SPPL2C: variants seen among roughly 807,000 people sequenced by gnomAD.
The protein encoded by SPPL2C is signal peptide peptidase like 2C.
A neutral mutation model predicts 38.8 loss-of-function variants in SPPL2C; 33 were observed. The observed-to-expected ratio is 0.85, with a 90% CI of 0.64 to 1.14. SPPL2C has a LOEUF of 1.14. Among genes scored for constraint, SPPL2C ranks in the 50% most tolerant of loss-of-function variants. SPPL2C has a pLI of 0.00. For missense variants in SPPL2C, 899 were observed against 904.4 expected, an observed-to-expected ratio of 0.99 and a Z score of 0.08; for synonymous variants, 384 against 390.7, an observed-to-expected ratio of 0.98 and a Z score of 0.20.
rs759219260 is a variant in SPPL2C at position 45,846,064 on chromosome 17, T to C, written c.1158T>C (p.Asp386=). ...SSFLLALLAF[D]VFFVFVTPFF... Reference sequence around the variant, plus strand: ...TCCTGCTGGCCCTGCTGGCCTTTGATGTCTTCTTTGTCTTCGTCACCCCCT... The same window carrying C: ...TCCTGCTGGCCCTGCTGGCCTTTGACGTCTTCTTTGTCTTCGTCACCCCCT... Residue 386 remains aspartate (D), a synonymous_variant, in exon 1 of 1, where the codon GAT becomes GAC. Coordinates refer to ENST00000329196, the MANE Select transcript of SPPL2C (RefSeq NM_175882.3). 2.5e-6 allele frequency: 4 copies of C among 1,614,128 alleles called. No homozygotes were observed. In the East Asian group the frequency reaches 6.7e-5, roughly 27 times the overall value.
Position 45,846,724 on chromosome 17 carries a change from C to A in SPPL2C, c.1818C>A (p.Asp606Glu), listed in dbSNP as rs374530875. ...DRSDSSEGWS[D>E]AHLDPNELPF... ...GTGATAGCTCCGAGGGCTGGAGTGA[C>A]GCCCACTTGGATCCTAATGAGCTGC... Residue 606 changes from aspartate (D) to glutamate (E), a missense_variant, in exon 1 of 1, where the codon GAC becomes GAA. Asp to Glu is a conservative substitution (Grantham distance 45, BLOSUM62 2). Transcript: ENST00000329196. 1 of 1,614,206 alleles carries A rather than the reference C, an allele frequency of 6.2e-7. No homozygotes were observed. The highest frequency in any genetic ancestry group is 1.3e-5 in the African/African-American group (1 of 75,046).
At position 45,845,504 on chromosome 17, in the gene SPPL2C, G is replaced by A. The variant is rs745984292; in HGVS notation, c.598G>A (p.Ala200Thr). ...CATCCTGGCTGTGGGCACAGTGGCTGCAGGCGGCTACTGGGCCGGCCTGAC... is the reference window on the plus strand; with the variant it reads ...CATCCTGGCTGTGGGCACAGTGGCTACAGGCGGCTACTGGGCCGGCCTGAC... Reference protein sequence around the residue: ...IFILAVGTVAAGGYWAGLTEA... With the variant: ...IFILAVGTVATGGYWAGLTEA... The change falls in exon 1 of 1, where the codon GCA (alanine) becomes ACA (threonine). Residue 200 changes from alanine (A) to threonine (T), a missense_variant. Transcript: ENST00000329196. 16 of 1,604,018 alleles carry A rather than the reference G, an allele frequency of 1.0e-5. No individual in the cohort carries two copies. In the East Asian group the frequency reaches 2.0e-4, roughly 20 times the overall value.
rs772195328 is a variant in SPPL2C at position 45,845,273 on chromosome 17, C to G, written c.367C>G (p.Arg123Gly). ...QGAHGLLIVSRVSDQQCSDTT... is the reference protein window; with the variant it reads ...QGAHGLLIVSGVSDQQCSDTT... ...TGCCCACGGGCTGCTCATCGTGAGC[C>G]GGGTCAGTGACCAACAGTGCTCAGA... The change falls in exon 1 of 1, where the codon CGG becomes GGG. Residue 123 changes from arginine (R) to glycine (G), a missense_variant. Transcript: ENST00000329196. 3.1e-6 allele frequency: 5 copies of G among 1,613,940 alleles called. No homozygotes were observed. Among genetic ancestry groups the G allele is most frequent in the Non-Finnish European group, 1.7e-6 (2 of 1,179,954 alleles).
Position 45,845,950 on chromosome 17 carries a change from G to C in SPPL2C, c.1044G>C (p.Ala348=), listed in dbSNP as rs377723590. The change falls in exon 1 of 1, where the codon GCG becomes GCC. Residue 348 remains alanine, a synonymous_variant. Coordinates refer to ENST00000329196, the MANE Select transcript of SPPL2C (RefSeq NM_175882.3). Reference sequence around the variant, plus strand: ...CCTACCGCAATGAGGACCGCTGGGCGTGGCTCCTGCAGGACACACTGGGCA... The same window carrying C: ...CCTACCGCAATGAGGACCGCTGGGCCTGGCTCCTGCAGGACACACTGGGCA... ...WVAYRNEDRW[A]WLLQDTLGIS... is the part of the protein sequence containing the mutation. The C allele has an allele frequency of 6.2e-7, 1 of 1,610,356 alleles. No homozygotes were observed. The highest frequency in any genetic ancestry group is 8.5e-7 in the Non-Finnish European group (1 of 1,180,022).
Position 45,845,505 on chromosome 17 carries a change from C to T in SPPL2C, c.599C>T (p.Ala200Val). Reference sequence around the variant, plus strand: ...ATCCTGGCTGTGGGCACAGTGGCTGCAGGCGGCTACTGGGCCGGCCTGACC... The same window carrying T: ...ATCCTGGCTGTGGGCACAGTGGCTGTAGGCGGCTACTGGGCCGGCCTGACC... Reference protein sequence around the residue: ...IFILAVGTVAAGGYWAGLTEA... With the variant: ...IFILAVGTVAVGGYWAGLTEA... Residue 200 changes from alanine (A) to valine (V), a missense_variant, in exon 1 of 1, where the codon GCA (alanine) becomes GTA (valine). By Grantham distance (64) the Ala-to-Val change is moderately conservative (BLOSUM62 0). Transcript: ENST00000329196. 1.9e-6 allele frequency: 3 copies of T among 1,603,788 alleles called. No homozygotes were observed. Among genetic ancestry groups the T allele is most frequent in the East Asian group, 4.5e-5 (2 of 44,780 alleles).
chr17:45,845,543 CTACA>C lies in SPPL2C; in HGVS notation c.638_641del (p.Leu213ArgfsTer42). 1 of 1,600,410 alleles carries C rather than the reference CTACA, an allele frequency of 6.2e-7. No homozygotes were observed. The highest frequency in any genetic ancestry group is 8.5e-7 in the Non-Finnish European group (1 of 1,174,512). ...GGCCGGCCTGACCGAAGCCAACCGGCTACAGCGGCGCCGTGCCCGAAGAGGAGGG... is the reference window on the plus strand; with the variant it reads ...GGCCGGCCTGACCGAAGCCAACCGGCGCGGCGCCGTGCCCGAAGAGGAGGG... On this transcript the variant is annotated frameshift_variant, in exon 1 of 1. Coordinates refer to ENST00000329196, the MANE Select transcript of SPPL2C (RefSeq NM_175882.3). LOFTEE classifies it high-confidence loss of function.
chr17:45,845,955 T>A lies in SPPL2C; in HGVS notation c.1049T>A (p.Leu350His). 1 of 1,611,016 alleles carries A rather than the reference T, an allele frequency of 6.2e-7. No homozygotes were observed. Among genetic ancestry groups the A allele is most frequent in the Non-Finnish European group, 8.5e-7 (1 of 1,180,012 alleles). Residue 350 changes from leucine (L) to histidine (H), a missense_variant, in exon 1 of 1, where the codon CTC (leucine) becomes CAC (histidine). Leu to His is a moderately conservative substitution (Grantham distance 99). Coordinates refer to ENST00000329196, the MANE Select transcript of SPPL2C (RefSeq NM_175882.3). The part of the protein sequence containing the change: ...AYRNEDRWAW[L>H]LQDTLGISYC... ...CGCAATGAGGACCGCTGGGCGTGGC[T>A]CCTGCAGGACACACTGGGCATTTCC...
In SPPL2C at chr17:45,845,226, G is replaced by T; in HGVS notation, c.320G>T (p.Gly107Val). Residue 107 changes from glycine (G) to valine (V), a missense_variant, in exon 1 of 1, where the codon GGC becomes GTC. By Grantham distance (109) the Gly-to-Val change is moderately radical. Coordinates refer to ENST00000329196, the MANE Select transcript of SPPL2C (RefSeq NM_175882.3). ...GGTAACTGCAGCTTCCACACGAAAGGCTGGCTGGCTCAGGGCCAAGGTGCC... is the reference window on the plus strand; with the variant it reads ...GGTAACTGCAGCTTCCACACGAAAGTCTGGCTGGCTCAGGGCCAAGGTGCC... ...MRGNCSFHTK[G>V]WLAQGQGAHG... is the part of the protein sequence containing the mutation. The T allele has an allele frequency of 1.2e-6, 2 of 1,613,828 alleles. No individual in the cohort carries two copies. The highest frequency in any genetic ancestry group is 1.1e-5 in the South Asian group (1 of 91,082).
chr17:45,845,570 G>A lies in SPPL2C; in HGVS notation c.664G>A (p.Gly222Arg), dbSNP rs747994423. ...ACAGCGGCGCCGTGCCCGAAGAGGA[G>A]GGGGGTCTGGTGGTCACCATCAGCT... ...RLQRRRARRG[G>R]GSGGHHQLQE... Residue 222 changes from glycine to arginine, a missense_variant, in exon 1 of 1, where the codon GGG becomes AGG. Gly to Arg is a moderately radical substitution (Grantham distance 125). Transcript: ENST00000329196. 8 of 1,604,316 alleles carry A rather than the reference G, an allele frequency of 5.0e-6. No homozygotes were observed. The South Asian group carries it at 7.7e-5, about 15-fold the overall frequency.
Position 45,845,875 on chromosome 17 carries a change from T to TCTG in SPPL2C, c.979_981dup (p.Leu327dup), listed in dbSNP as rs1214633755. The TCTG allele has an allele frequency of 6.2e-7, 1 of 1,605,732 alleles. No homozygotes were observed. The highest frequency in any genetic ancestry group is 8.5e-7 in the Non-Finnish European group (1 of 1,179,834). ...GCCTCTGGGCCTCTCTGCCGCTGCC[T>TCTG]CTGCTGCTGCTGGCGAGCCTGTGCG... On this transcript the variant is annotated inframe_insertion, in exon 1 of 1. Coordinates refer to ENST00000329196, the MANE Select transcript of SPPL2C (RefSeq NM_175882.3).
At position 45,846,688 on chromosome 17, in the gene SPPL2C, A is replaced by G. The variant is rs1426661274; in HGVS notation, c.1782A>G (p.Pro594=). The G allele has an allele frequency of 1.2e-6, 2 of 1,614,116 alleles. No homozygotes were observed. The highest frequency in any genetic ancestry group is 1.7e-6 in the Non-Finnish European group (2 of 1,180,048). ...TATCTGAGAATGAAGCCACCAATCC[A>G]GAGGACCGCAGTGATAGCTCCGAGG... The part of the protein sequence containing the change: ...VTISENEATN[P]EDRSDSSEGW... Residue 594 remains proline (P), a synonymous_variant, in exon 1 of 1, where the codon CCA becomes CCG. Transcript: ENST00000329196.
rs1209601898 is a variant in SPPL2C, at chr17:45,844,955, A to G, written c.49A>G (p.Ser17Gly). The G allele has an allele frequency of 1.9e-6, 3 of 1,613,932 alleles. No homozygotes were observed. Among genetic ancestry groups the G allele is most frequent in the Middle Eastern group, 1.7e-4 (1 of 6,060 alleles). The part of the protein sequence containing the change: ...LLPVGFLLLI[S>G]TVAGGKYGVA... ...CCCCGTGGGCTTCCTCCTCCTCATCAGCACCGTGGCCGGGGGAAAGTACGG... is the reference window on the plus strand; with the variant it reads ...CCCCGTGGGCTTCCTCCTCCTCATCGGCACCGTGGCCGGGGGAAAGTACGG... Residue 17 changes from serine (S) to glycine (G), a missense_variant, in exon 1 of 1, where the codon AGC becomes GGC. Physicochemically the swap from Ser to Gly is moderately conservative, Grantham distance 56 (BLOSUM62 0). Transcript: ENST00000329196.
chr17:45,846,835 G>C lies in SPPL2C; in HGVS notation c.1929G>C (p.Pro643=), dbSNP rs745711245. ...TCCCACTCATGCCCCTGATGCCCCC[G>C]CCCTCAGAGCTGGGCCATGTCCATG... is the stretch of plus-strand genomic sequence containing the variant. ...MLIPLMPLMP[P]PSELGHVHAQ... Residue 643 remains proline, a synonymous_variant, in exon 1 of 1, where the codon CCG becomes CCC. Transcript: ENST00000329196. 16 of 1,613,872 alleles carry C rather than the reference G, an allele frequency of 9.9e-6. No homozygotes were observed. The highest frequency in any genetic ancestry group is 1.4e-5 in the Non-Finnish European group (16 of 1,179,976).
rs2062539980 is a variant in SPPL2C at position 45,845,947 on chromosome 17, G to C, written c.1041G>C (p.Trp347Cys). The C allele has an allele frequency of 6.2e-7, 1 of 1,610,184 alleles. No homozygotes were observed. Residue 347 changes from tryptophan (W) to cysteine (C), a missense_variant, in exon 1 of 1, where the codon TGG becomes TGC. Coordinates refer to ENST00000329196, the MANE Select transcript of SPPL2C (RefSeq NM_175882.3). ...FWVAYRNEDRWAWLLQDTLGI... is the reference protein window; with the variant it reads ...FWVAYRNEDRCAWLLQDTLGI... ...TGGCCTACCGCAATGAGGACCGCTG[G>C]GCGTGGCTCCTGCAGGACACACTGG...
In SPPL2C at chr17:45,844,906, G is replaced by C. The variant is rs944665468; in HGVS notation, c.-1G>C. 2.5e-6 allele frequency: 4 copies of C among 1,599,152 alleles called. No individual in the cohort carries two copies. In the African/African-American group the frequency reaches 4.0e-5, roughly 16 times the overall value. The stretch of plus-strand genomic sequence containing the variant: ...AGATGTTGCAGTAGGAACTGAAGAA[G>C]ATGGCGTGCCTGGGCTTCCTCCTCC... On this transcript the variant is annotated 5_prime_UTR_variant, in exon 1 of 1. Transcript: ENST00000329196.
chr17:45,847,004 A>C lies in SPPL2C; in HGVS notation c.*43A>C. On this transcript the variant is annotated 3_prime_UTR_variant, in exon 1 of 1. Coordinates refer to ENST00000329196, the MANE Select transcript of SPPL2C (RefSeq NM_175882.3). ...ACACGCCTCTCAAAGGGCTGGTGGAACATTGCAGAGCAAAGCCATGCATGG... is the reference window on the plus strand; with the variant it reads ...ACACGCCTCTCAAAGGGCTGGTGGACCATTGCAGAGCAAAGCCATGCATGG... 1 of 1,504,486 alleles carries C rather than the reference A, an allele frequency of 6.6e-7. No individual in the cohort carries two copies. Among genetic ancestry groups the C allele is most frequent in the Non-Finnish European group, 8.8e-7 (1 of 1,131,192 alleles). 93.2% of individuals were successfully genotyped at this position (1,504,486 alleles called of 1,614,324 possible). A position where few individuals can be genotyped will look rare whatever the true frequency, so the allele number is the denominator to read the frequency against.
chr17:45,845,999 C>T lies in SPPL2C; in HGVS notation c.1093C>T (p.His365Tyr), dbSNP rs373967033. 1.2e-6 allele frequency: 2 copies of T among 1,613,496 alleles called. No homozygotes were observed. The highest frequency in any genetic ancestry group is 2.7e-5 in the African/African-American group (2 of 74,954). ...LGISYCLFVL[H>Y]RVRLPTLKNC... is the part of the protein sequence containing the mutation. ...CATTTCCTACTGCCTGTTCGTCCTG[C>T]ACCGTGTGCGGCTGCCCACTCTCAA... Residue 365 changes from histidine (H) to tyrosine (Y), a missense_variant, in exon 1 of 1, where the codon CAC becomes TAC. His to Tyr is a moderately conservative substitution (Grantham distance 83). Coordinates refer to ENST00000329196, the MANE Select transcript of SPPL2C (RefSeq NM_175882.3).
In SPPL2C at chr17:45,846,987, C is replaced by T. The variant is rs1302111589; in HGVS notation, c.*26C>T. 6.6e-7 allele frequency: 1 copy of T among 1,517,606 alleles called. No homozygotes were observed. The highest frequency in any genetic ancestry group is 1.4e-5 in the African/African-American group (1 of 71,986). 94.0% of individuals were successfully genotyped at this position (1,517,606 alleles called of 1,614,324 possible). A position where few individuals can be genotyped will look rare whatever the true frequency, so the allele number is the denominator to read the frequency against. ...ACTGGAGGCACTGGGACACACGCCT[C>T]TCAAAGGGCTGGTGGAACATTGCAG... On this transcript the variant is annotated 3_prime_UTR_variant, in exon 1 of 1. Transcript: ENST00000329196.
At position 45,845,666 on chromosome 17, in the gene SPPL2C, G is replaced by T. The variant is rs1286395547; in HGVS notation, c.760G>T (p.Ala254Ser). ...GGACATCCCAGTGGACTTCACGCCG[G>T]CCATGACAGGCGTGGTGGTCACCCT... Reference protein sequence around the residue: ...NEDIPVDFTPAMTGVVVTLSC... With the variant: ...NEDIPVDFTPSMTGVVVTLSC... Residue 254 changes from alanine (A) to serine (S), a missense_variant, in exon 1 of 1, where the codon GCC becomes TCC. Coordinates refer to ENST00000329196, the MANE Select transcript of SPPL2C (RefSeq NM_175882.3). 1 of 1,613,660 alleles carries T rather than the reference G, an allele frequency of 6.2e-7. No individual in the cohort carries two copies.
Sources: allele counts gnomAD v4.1 joint callset, GRCh38; gene constraint gnomAD v4.1.1; transcripts MANE v1.5; gene names NCBI Gene and HGNC (gene_info 2026-07-23, HGNC 2026-07-21).